The following TFEC variants were observed in gnomAD, a reference collection of about 807,000 sequenced individuals.
TFEC encodes transcription factor EC.
TFEC carries 31 observed loss-of-function variants against 41.6 expected under a neutral mutation model. That is an observed-to-expected ratio of 0.74 (90% CI 0.56 to 1.01). The LOEUF is 1.01. Among genes scored for constraint, TFEC ranks in the 50% least tolerant of loss-of-function variants. The pLI, the probability that TFEC is intolerant of heterozygous loss-of-function variation, is 0.00. For synonymous variants in TFEC, 143 were observed against 140.6 expected (o/e 1.02, Z -0.12); for missense variants, 402 against 404.1 (o/e 0.99, Z 0.04).
chr7:116,055,431 CTAAA>C (rs894214827), intron 3 of TFEC, among the ~76,000 whole-genome samples: 1 of 151,828 alleles, frequency 6.6e-6, no homozygotes, highest in Non-Finnish European at 1.5e-5. Context: ...GAATAGAAAT[CTAAA>C]TAATTTCAAA....
intron 3 of TFEC, among the ~76,000 whole-genome samples, chr7:116,039,427 GTGTGTGTGTGTGTGTGTGTGTGTC>G (rs142256330): frequency 0.18 from 27,306 of 151,006 alleles, 2,474 homozygotes; most frequent in East Asian, 0.33. Flanking sequence ...AATTCTGTGT[GTGTGTGTGTGTGTGTGTGTGTGTC>G]TGTGTGTGTG....
chr7:116,127,140 G>C (rs535784637), intron 1 of TFEC, among the ~76,000 whole-genome samples: 36 of 151,506 alleles, frequency 2.4e-4, no homozygotes, highest in African/African-American at 8.5e-4. Flanking sequence ...ACTCCACCCA[G>C]GCTGGAGTGC....
chr7:116,073,204 C>CA, intron 3 of TFEC, among the ~76,000 whole-genome samples: 1 of 151,032 alleles, frequency 6.6e-6, no homozygotes, highest in East Asian at 1.9e-4. Context: ...ATGGGCAATC[C>CA]AAAAATGAAA....
chr7:116,010,722 A>T (rs1794969096), intron 1 of TFEC, among the ~76,000 whole-genome samples: 1 of 152,214 alleles, frequency 6.6e-6, no homozygotes, highest in Non-Finnish European at 1.5e-5. Flanking sequence ...AATTACATAT[A>T]GGAAAATCTA....
At chr7:115,948,547 T>A (rs1164826455) in intron 6 of TFEC, among the ~76,000 whole-genome samples, 1 of 152,046 alleles carries the variant, frequency 6.6e-6, no homozygotes, top group African/African-American at 2.4e-5. Flanking sequence ...GTTCAATATA[T>A]GCAAATCAAT....
In TFEC at chr7:115,939,766, G is replaced by A. The variant is rs1268698509; in HGVS notation, c.*785C>T. 2 of 151,998 alleles carry A rather than the reference G, an allele frequency of 1.3e-5. No individual in the cohort carries two copies. Among genetic ancestry groups the A allele is most frequent in the Non-Finnish European group, 2.9e-5 (2 of 67,976 alleles). 9.4% of individuals were successfully genotyped at this position (151,998 alleles called of 1,614,324 possible). On this transcript the variant is annotated 3_prime_UTR_variant, in exon 8 of 8. Coordinates refer to ENST00000265440, the MANE Select transcript of TFEC (RefSeq NM_012252.4). ...AGAACATATACTACCTGAATGATGT[G>A]CATATGTGTATGTGTATGTTTGTGT...
intron 3 of TFEC, among the ~76,000 whole-genome samples, chr7:116,085,122 A>G (rs1797173902): frequency 6.6e-6 from 1 of 151,926 alleles, no homozygotes; most frequent in Admixed American, 6.6e-5. Context: ...GCATATGCAA[A>G]GTCTTATTAG....
chr7:116,035,705 C>T (rs1164188221), upstream of TFEC, among the ~76,000 whole-genome samples: 1 of 152,030 alleles, frequency 6.6e-6, no homozygotes, highest in African/African-American at 2.4e-5. Flanking sequence ...TGAAAACCTT[C>T]TGCATTTTTA....
chr7:116,085,556 T>C (rs563851984), intron 3 of TFEC, among the ~76,000 whole-genome samples: 1 of 152,014 alleles, frequency 6.6e-6, no homozygotes, highest in Admixed American at 6.6e-5. Context: ...AGCAACTGTG[T>C]CAAAAGAACA....
At chr7:115,970,233 CAAG>C (rs1000186078) in intron 3 of TFEC, among the ~76,000 whole-genome samples, 2 of 151,918 alleles carry the variant, frequency 1.3e-5, no homozygotes, top group African/African-American at 4.8e-5. Flanking sequence ...GATAGCTCTT[CAAG>C]AAGAAGGAAG....
chr7:115,967,656 T>C (rs960928085), intron 3 of TFEC, among the ~76,000 whole-genome samples: 3 of 151,810 alleles, frequency 2.0e-5, no homozygotes, highest in African/African-American at 7.2e-5. Flanking sequence ...TTTTGTCCTA[T>C]TATGACACAT....
At chr7:116,074,042 T>C (rs978130675) in intron 3 of TFEC, among the ~76,000 whole-genome samples, 2 of 151,900 alleles carry the variant, frequency 1.3e-5, no homozygotes, top group African/African-American at 4.8e-5. Flanking sequence ...GGACCCCTTC[T>C]TCACAACAAA....
chr7:116,109,220 A>G (rs1242369589), intron 3 of TFEC, among the ~76,000 whole-genome samples: 1 of 152,070 alleles, frequency 6.6e-6, no homozygotes, highest in African/African-American at 2.4e-5. Flanking sequence ...AAAATTGACA[A>G]ATGGGATCTA....
chr7:115,977,110 C>T (rs1459629147), intron 2 of TFEC, among the ~76,000 whole-genome samples: 1 of 152,060 alleles, frequency 6.6e-6, no homozygotes. Flanking sequence ...ACCTTCACAA[C>T]TTCTAAGTAT....
intron 3 of TFEC, among the ~76,000 whole-genome samples, chr7:116,047,543 C>A (rs1258593476): frequency 6.6e-6 from 1 of 152,160 alleles, no homozygotes. Flanking sequence ...TCAAGGAGGC[C>A]TGCCTACCTC....
At chr7:116,063,294 A>G (rs1490546551) in intron 3 of TFEC, among the ~76,000 whole-genome samples, 2 of 152,188 alleles carry the variant, frequency 1.3e-5, no homozygotes, top group Non-Finnish European at 1.5e-5. Context: ...GCAAAGGTTC[A>G]GGAAAAAAGG....
At chr7:116,119,689 A>T (rs979870239) in intron 1 of TFEC, among the ~76,000 whole-genome samples, 2 of 151,844 alleles carry the variant, frequency 1.3e-5, no homozygotes, top group South Asian at 2.1e-4. Flanking sequence ...TAAATGTAAA[A>T]ATTTGAACAA....
intron 5 of TFEC, 69 bp from the exon 6 acceptor site, chr7:115,951,018 T>C (rs1397408610): frequency 1.1e-6 from 1 of 902,078 alleles, no homozygotes; most frequent in Non-Finnish European, 1.6e-6. Flanking sequence ...GCTGTAAACA[T>C]TTTTAACAAT....
intron 1 of TFEC, among the ~76,000 whole-genome samples, chr7:116,127,416 G>A (rs559098741): frequency 3.3e-5 from 5 of 152,182 alleles, no homozygotes; most frequent in South Asian, 4.1e-4. Flanking sequence ...GTAATAATTC[G>A]TGTCGTTTAG....
Sources: allele counts gnomAD v4.1 joint callset (sites outside exome capture counted in the v4.1 genomes callset), GRCh38; gene constraint gnomAD v4.1.1; transcripts MANE v1.5; gene names NCBI Gene and HGNC (gene_info 2026-07-23, HGNC 2026-07-21).